The following SRPK2 variants were observed in gnomAD, a reference collection of about 807,000 sequenced individuals.
The protein encoded by SRPK2 is SRSF protein kinase 2.
SRPK2 carries 21 observed loss-of-function variants against 90.8 expected under a neutral mutation model. That is an observed-to-expected ratio of 0.23 (90% CI 0.16 to 0.33). The LOEUF is 0.33. Among genes scored for constraint, SRPK2 ranks in the 10% least tolerant of loss-of-function variants. The probability of loss-of-function intolerance (pLI) is 1.00; values close to 1 mark genes in which losing one functional copy is unlikely to be tolerated. For missense variants in SRPK2, 620 were observed against 869.0 expected, an observed-to-expected ratio of 0.71 and a Z score of 3.60; for synonymous variants, 288 against 311.1, an observed-to-expected ratio of 0.93 and a Z score of 0.78.
At chr7:105,290,042 AC>A (rs1467618269) in intron 2 of SRPK2, among the ~76,000 whole-genome samples, 1 of 152,186 alleles carries the variant, frequency 6.6e-6, no homozygotes, top group East Asian at 1.9e-4. Flanking sequence ...AACTAAACTC[AC>A]TGTCTTATAT....
downstream of SRPK2, chr7:105,116,319 C>A (rs924407420): frequency 1.3e-5 from 2 of 152,274 alleles, no homozygotes; most frequent in African/African-American, 4.8e-5. Flanking sequence ...TGACACTACT[C>A]TGATAGCAAA....
At chr7:105,396,766 G>A (rs993742522) in intron 1 of SRPK2, among the ~76,000 whole-genome samples, 16 of 141,200 alleles carry the variant, frequency 1.1e-4, no homozygotes, top group East Asian at 1.1e-3. Context: ...AGGAAAGAGA[G>A]AGAAAGAAAG....
At chr7:105,179,721 A>G (rs1792484947) in intron 3 of SRPK2, among the ~76,000 whole-genome samples, 1 of 142,764 alleles carries the variant, frequency 7.0e-6, no homozygotes. Context: ...GCTACTGGGG[A>G]GGCTGAGGCA....
At chr7:105,305,698 T>A (rs1811071601) in intron 2 of SRPK2, among the ~76,000 whole-genome samples, 1 of 152,136 alleles carries the variant, frequency 6.6e-6, no homozygotes, top group Admixed American at 6.6e-5. Context: ...CTGGGGTCCC[T>A]GAATTTAACA....
intron 2 of SRPK2, among the ~76,000 whole-genome samples, chr7:105,388,430 C>T (rs1368481422): frequency 6.8e-6 from 1 of 147,976 alleles, no homozygotes; most frequent in Non-Finnish European, 1.5e-5. Flanking sequence ...GGGGTCGAGG[C>T]TCCGTGATGC....
chr7:105,132,044 C>T (rs530845981), intron 13 of SRPK2, among the ~76,000 whole-genome samples: 7 of 152,264 alleles, frequency 4.6e-5, no homozygotes, highest in African/African-American at 1.7e-4. Context: ...CGATGCCAGG[C>T]AGGGCCAGGG....
At chr7:105,154,031 A>T (rs575144436) in intron 7 of SRPK2, among the ~76,000 whole-genome samples, 1 of 152,324 alleles carries the variant, frequency 6.6e-6, no homozygotes, top group South Asian at 2.1e-4. Context: ...CCTGTTAACA[A>T]TAAAAGAGGA....
At chr7:105,238,872 T>C (rs374979851) in intron 2 of SRPK2, among the ~76,000 whole-genome samples, 10 of 152,158 alleles carry the variant, frequency 6.6e-5, no homozygotes, top group African/African-American at 2.4e-4. Flanking sequence ...ACGACCACTT[T>C]GGAGCACACT....
intron 2 of SRPK2, among the ~76,000 whole-genome samples, chr7:105,260,060 T>G (rs1803984510): frequency 6.6e-6 from 1 of 152,134 alleles, no homozygotes; most frequent in South Asian, 2.1e-4. Flanking sequence ...CTAAAGAGCT[T>G]CTGCACAGCA....
At chr7:105,164,121 C>T (rs1031427560) in intron 6 of SRPK2, among the ~76,000 whole-genome samples, 2 of 152,154 alleles carry the variant, frequency 1.3e-5, no homozygotes, top group South Asian at 2.1e-4. Flanking sequence ...CAATAACTAC[C>T]AAGAGGTGGC....
At chr7:105,300,281 A>G (rs1450062261) in intron 2 of SRPK2, among the ~76,000 whole-genome samples, 2 of 149,574 alleles carry the variant, frequency 1.3e-5, no homozygotes, top group African/African-American at 4.9e-5. Flanking sequence ...AAAAAAAAGT[A>G]TATATATACA....
At chr7:105,354,368 CA>C (rs903817466) in intron 2 of SRPK2, among the ~76,000 whole-genome samples, 6 of 152,310 alleles carry the variant, frequency 3.9e-5, no homozygotes, top group African/African-American at 1.2e-4. Context: ...ACCCTGTACT[CA>C]GAGATGCTTT....
At chr7:105,383,919 TAG>T (rs568961423) in intron 2 of SRPK2, among the ~76,000 whole-genome samples, 3 of 152,294 alleles carry the variant, frequency 2.0e-5, no homozygotes, top group South Asian at 2.1e-4. Context: ...AGCAGATTCA[TAG>T]AGACTTAGAA....
In SRPK2 at chr7:105,117,424, T is replaced by C. The variant is rs1263363208; in HGVS notation, c.*414A>G. On this transcript the variant is annotated 3_prime_UTR_variant, in exon 16 of 16. Transcript: ENST00000393651. ...AAGATAAAATTGTACATTTCCTTGC[T>C]ATTTCTTGGTTCCAACTTGATAATT... The C allele has an allele frequency of 5.4e-6, 1 of 186,644 alleles. No homozygotes were observed. The highest frequency in any genetic ancestry group is 2.4e-5 in the African/African-American group (1 of 41,698). 11.6% of individuals were successfully genotyped at this position (186,644 alleles called of 1,614,324 possible). A position where few individuals can be genotyped will look rare whatever the true frequency, so the allele number is the denominator to read the frequency against.
chr7:105,233,303 A>G (rs1799745993), intron 2 of SRPK2, among the ~76,000 whole-genome samples: 2 of 152,218 alleles, frequency 1.3e-5, no homozygotes, highest in Non-Finnish European at 2.9e-5. Flanking sequence ...ACAATTCAAT[A>G]AACCTGAAAA....
Position 105,276,247 on chromosome 7 carries a change from AT to A in SRPK2, c.72-72463del, listed in dbSNP as rs1017819389. Reference sequence around the variant, plus strand: ...AGATGCACACCACTATGCTTGGCTAATTTTTTTTTTTGGTAGAGACAGGGTC... The same window carrying A: ...AGATGCACACCACTATGCTTGGCTAATTTTTTTTTTGGTAGAGACAGGGTC... On this transcript the variant is annotated intron_variant, in intron 2 of 15. Transcript: ENST00000393651. Among the ~76,000 whole-genome samples the A allele has an allele frequency of 6.6e-4, 96 of 146,138 alleles. No homozygotes were observed. The East Asian group carries it at 7.7e-3, about 12-fold the overall frequency.
intron 2 of SRPK2, among the ~76,000 whole-genome samples, chr7:105,243,631 A>G (rs1251018980): frequency 1.1e-5 from 1 of 92,534 alleles, no homozygotes; most frequent in East Asian, 4.4e-4. Flanking sequence ...ACTCCATCTC[A>G]AAAAAAAAAA....
chr7:105,154,603 T>C (rs1317828342), intron 7 of SRPK2, among the ~76,000 whole-genome samples: 3 of 152,008 alleles, frequency 2.0e-5, no homozygotes, highest in Non-Finnish European at 4.4e-5. Flanking sequence ...AAGGGAGAAG[T>C]CTGGAAAAAC....
At chr7:105,229,544 G>A (rs965872494) in intron 2 of SRPK2, among the ~76,000 whole-genome samples, 1 of 151,942 alleles carries the variant, frequency 6.6e-6, no homozygotes, top group Non-Finnish European at 1.5e-5. Context: ...TATCAAATAC[G>A]TAGCTTTGAT....
Sources: gnomAD v4.1 joint callset for allele counts (sites outside exome capture counted in the v4.1 genomes callset) on GRCh38, gnomAD v4.1.1 for gene constraint, MANE v1.5 for transcripts, NCBI Gene and HGNC (gene_info 2026-07-23, HGNC 2026-07-21) for gene names.